IFT80: variants seen among roughly 807,000 people sequenced by gnomAD.
IFT80 encodes the protein intraflagellar transport protein 80 homolog.
In IFT80, 79 loss-of-function variants were observed where a neutral mutation model predicts 107.9. The observed-to-expected ratio is 0.73, with a 90% CI of 0.61 to 0.88. IFT80 has a LOEUF of 0.88. IFT80 is among the 40% of genes least tolerant of loss of function. The probability of loss-of-function intolerance (pLI) is 0.00; values close to 1 mark genes in which losing one functional copy is unlikely to be tolerated. For synonymous variants in IFT80, 299 were observed against 300.9 expected (o/e 0.99, Z 0.07); for missense variants, 797 against 914.2 (o/e 0.87, Z 1.65).
chr3:160,316,485 AC>A (rs1717831264), intron 9 of IFT80, among the ~76,000 whole-genome samples: 1 of 152,208 alleles, frequency 6.6e-6, no homozygotes, highest in Non-Finnish European at 1.5e-5. Flanking sequence ...TGTTTAAGCC[AC>A]TATGTTTAGG....
At chr3:160,336,223 T>C (rs771233976) in intron 8 of IFT80, among the ~76,000 whole-genome samples, 17 of 152,192 alleles carry the variant, frequency 1.1e-4, no homozygotes, top group Admixed American at 2.0e-4. Flanking sequence ...CTGCCAAACA[T>C]TTTCCAAAGT....
At chr3:160,305,427 A>G (rs1266829926) in intron 10 of IFT80, among the ~76,000 whole-genome samples, 1 of 152,228 alleles carries the variant, frequency 6.6e-6, no homozygotes, top group Non-Finnish European at 1.5e-5. Flanking sequence ...TCTGGGGTTC[A>G]TAGATATGAT....
intron 18 of IFT80, among the ~76,000 whole-genome samples, chr3:160,275,464 T>C (rs1423181123): frequency 6.6e-6 from 1 of 152,218 alleles, no homozygotes; most frequent in Admixed American, 6.5e-5. Flanking sequence ...ATCTTTCCCC[T>C]TATGGATTAT....
chr3:160,388,342 C>T (rs73875259), intron 1 of IFT80, among the ~76,000 whole-genome samples: 31,861 of 150,792 alleles, frequency 0.21, 3,698 homozygotes, highest in Non-Finnish European at 0.26. Context: ...CATCAATACA[C>T]CACCATTACT....
intron 19 of IFT80, 81 bp from the exon 20 acceptor site, chr3:160,258,716 C>A: frequency 6.7e-7 from 1 of 1,491,678 alleles, no homozygotes; most frequent in Non-Finnish European, 9.1e-7. Context: ...TAAGAGTAAA[C>A]AGATAGACTG....
rs1712486332 is a variant in IFT80 at position 160,257,915 on chromosome 3, A to G, written c.*610T>C. 6.5e-6 allele frequency: 1 copy of G among 153,818 alleles called. No homozygotes were observed. Among genetic ancestry groups the G allele is most frequent in the Admixed American group, 6.5e-5 (1 of 15,470 alleles). 9.5% of individuals were successfully genotyped at this position (153,818 alleles called of 1,614,324 possible). On this transcript the variant is annotated 3_prime_UTR_variant, in exon 20 of 20. Transcript: ENST00000326448. ...GTGTTTTCAAGGTTTATCCTGAGGT[A>G]GTATTTATCAGAATTTCATTCCTTT...
chr3:160,280,928 C>A (rs1279130475), intron 14 of IFT80, 114 bp from the exon 15 acceptor site: 46 of 879,202 alleles, frequency 5.2e-5, no homozygotes, highest in Non-Finnish European at 6.9e-5. Flanking sequence ...AGATATGACT[C>A]TACTTTCTGA....
At chr3:160,300,704 A>T (rs1716352622) in intron 12 of IFT80, among the ~76,000 whole-genome samples, 179 bp downstream of exon 12, 1 of 152,130 alleles carries the variant, frequency 6.6e-6, no homozygotes, top group South Asian at 2.1e-4. Flanking sequence ...AACTGGATAT[A>T]GTATGACAAC....
intron 6 of IFT80, among the ~76,000 whole-genome samples, chr3:160,364,393 C>T (rs571075371): frequency 1.3e-4 from 20 of 152,294 alleles, no homozygotes; most frequent in African/African-American, 4.6e-4. Context: ...AATCCTTTTA[C>T]ACTGTTGGTG....
In IFT80 at chr3:160,257,113, C is replaced by T. The variant is rs969571268; in HGVS notation, c.*1412G>A. The T allele has an allele frequency of 2.0e-5, 3 of 152,100 alleles. No homozygotes were observed. The highest frequency in any genetic ancestry group is 2.9e-5 in the Non-Finnish European group (2 of 68,018). 9.4% of individuals were successfully genotyped at this position (152,100 alleles called of 1,614,324 possible). A position where few individuals can be genotyped will look rare whatever the true frequency, so the allele number is the denominator to read the frequency against. ...TTGAAATATAACAATATAGGAAACA[C>T]ATACACAGTACAACTTGTAAGTACA... On this transcript the variant is annotated 3_prime_UTR_variant, in exon 20 of 20. Coordinates refer to ENST00000326448, the MANE Select transcript of IFT80 (RefSeq NM_020800.3).
chr3:160,315,418 AG>A (rs1717745057), intron 9 of IFT80, among the ~76,000 whole-genome samples: 1 of 152,158 alleles, frequency 6.6e-6, no homozygotes, highest in African/African-American at 2.4e-5. Context: ...TGGGGCCTAC[AG>A]GGAATTTACT....
At chr3:160,332,801 T>C (rs1165825224) in intron 8 of IFT80, among the ~76,000 whole-genome samples, 1 of 152,224 alleles carries the variant, frequency 6.6e-6, no homozygotes, top group African/African-American at 2.4e-5. Context: ...CTTCACTTAC[T>C]AACTGCAATA....
intron 8 of IFT80, among the ~76,000 whole-genome samples, chr3:160,349,510 A>G (rs1410606714): frequency 6.6e-6 from 1 of 152,096 alleles, no homozygotes; most frequent in Non-Finnish European, 1.5e-5. Context: ...GCTCTCAAAC[A>G]CTAAATAGAA....
intron 9 of IFT80, among the ~76,000 whole-genome samples, chr3:160,316,052 C>T (rs1192587749): frequency 6.6e-6 from 1 of 152,102 alleles, no homozygotes; most frequent in Non-Finnish European, 1.5e-5. Flanking sequence ...TAATAGCTTG[C>T]TTCTAGTAAA....
At chr3:160,306,647 T>G (rs1296150974) in intron 10 of IFT80, among the ~76,000 whole-genome samples, 3 of 152,184 alleles carry the variant, frequency 2.0e-5, no homozygotes, top group Non-Finnish European at 4.4e-5. Flanking sequence ...CTCTGTTTCT[T>G]CTATTTCATT....
At chr3:160,301,095 T>C (rs746638574) in intron 11 of IFT80, 49 bp from the exon 12 acceptor site, 1 of 1,464,016 alleles carries the variant, frequency 6.8e-7, no homozygotes, top group East Asian at 2.4e-5. Flanking sequence ...GTATACTTTA[T>C]TTTTGTTTTC....
In IFT80 at chr3:160,293,454, GCCT is replaced by G; in HGVS notation, c.1315+7426_1315+7428del. On this transcript the variant is annotated intron_variant, in intron 12 of 19. Transcript: ENST00000326448. ...GATAGTACTGGGAATGGAATTAAAA[GCCT>G]CCTATCTCTACCCAATATTGATTCC... is the stretch of plus-strand genomic sequence containing the variant. 1.3e-5 allele frequency among the ~76,000 whole-genome samples: 2 copies of G among 152,302 alleles called. 1 individual carries two copies. The highest frequency in any genetic ancestry group is 3.9e-4 in the East Asian group (2 of 5,188).
chr3:160,264,316 C>T (rs1205222762), intron 19 of IFT80, among the ~76,000 whole-genome samples: 1 of 151,364 alleles, frequency 6.6e-6, no homozygotes. Flanking sequence ...CCATGTTGCC[C>T]AGGCTGGTTG....
At chr3:160,383,316 C>T in intron 2 of IFT80, 1 of 283,514 alleles carries the variant, frequency 3.5e-6, no homozygotes, top group Non-Finnish European at 5.3e-6. Flanking sequence ...ATGGTGTGAA[C>T]TCTTGAAAGC....
Sources: allele counts gnomAD v4.1 joint callset (sites outside exome capture counted in the v4.1 genomes callset), GRCh38; gene constraint gnomAD v4.1.1; transcripts MANE v1.5; gene names NCBI Gene and HGNC (gene_info 2026-07-23, HGNC 2026-07-21).